AUTS2: variants seen among roughly 807,000 people sequenced by gnomAD.
AUTS2 encodes autism susceptibility gene 2 protein.
A neutral mutation model predicts 112.4 loss-of-function variants in AUTS2; 17 were observed. That is an observed-to-expected ratio of 0.15 (90% CI 0.10 to 0.23). The LOEUF (loss-of-function observed/expected upper bound fraction) is 0.23, where lower values mean the gene tolerates loss of function less well. AUTS2 is among the 10% of genes least tolerant of loss of function. The pLI, the probability that AUTS2 is intolerant of heterozygous loss-of-function variation, is 1.00. For synonymous variants in AUTS2, 751 were observed against 702.7 expected, an observed-to-expected ratio of 1.07 and a Z score of -1.09; for missense variants, 1,510 against 1,701.6, an observed-to-expected ratio of 0.89 and a Z score of 1.98.
At chr7:70,729,149 C>G (rs1449818351) in intron 6 of AUTS2, 4 of 456,484 alleles carry the variant, frequency 8.8e-6, no homozygotes, top group Non-Finnish European at 1.8e-5. Context: ...CTCTTTTTCT[C>G]CTGGTGCTTT....
At chr7:70,190,956 T>C (rs778531274) in intron 4 of AUTS2, among the ~76,000 whole-genome samples, 10 of 152,154 alleles carry the variant, frequency 6.6e-5, no homozygotes, top group African/African-American at 1.7e-4. Context: ...ATTTTAACAG[T>C]ATCTTACTGT....
chr7:69,966,776 C>T (rs188228801), intron 2 of AUTS2, among the ~76,000 whole-genome samples: 8 of 152,070 alleles, frequency 5.3e-5, no homozygotes, highest in Non-Finnish European at 1.2e-4. Flanking sequence ...TCTTTCATCT[C>T]GTAAACTGAG....
At chr7:70,453,020 C>G (rs1239405917) in intron 5 of AUTS2, among the ~76,000 whole-genome samples, 1 of 152,182 alleles carries the variant, frequency 6.6e-6, no homozygotes, top group Non-Finnish European at 1.5e-5. Flanking sequence ...TTCCCCACCT[C>G]CCTATCCTGT....
At chr7:70,542,955 A>G (rs1260226745) in intron 5 of AUTS2, among the ~76,000 whole-genome samples, 5 of 152,226 alleles carry the variant, frequency 3.3e-5, no homozygotes, top group African/African-American at 1.2e-4. Flanking sequence ...TTCAGTTCCA[A>G]GCACTAAGGG....
At chr7:70,252,590 A>T (rs1225227013) in intron 4 of AUTS2, among the ~76,000 whole-genome samples, 1 of 152,144 alleles carries the variant, frequency 6.6e-6, no homozygotes, top group Non-Finnish European at 1.5e-5. Flanking sequence ...TGCCATGAAG[A>T]AGATTTTTAG....
At chr7:70,110,972 G>C (rs1805055077) in intron 2 of AUTS2, among the ~76,000 whole-genome samples, 1 of 149,542 alleles carries the variant, frequency 6.7e-6, no homozygotes, top group South Asian at 2.1e-4. Context: ...CCCGGGTTCA[G>C]GCCATTCTCC....
chr7:69,820,585 C>T (rs1029435041), intron 1 of AUTS2, among the ~76,000 whole-genome samples: 1 of 152,158 alleles, frequency 6.6e-6, no homozygotes, highest in Non-Finnish European at 1.5e-5. Context: ...TAGGGCACAG[C>T]GAAGGAGAGA....
chr7:70,113,387 A>G (rs1805187380), intron 2 of AUTS2, among the ~76,000 whole-genome samples: 1 of 152,166 alleles, frequency 6.6e-6, no homozygotes, highest in African/African-American at 2.4e-5. Flanking sequence ...AATCCATGAT[A>G]CTTTCCCAAT....
intron 4 of AUTS2, among the ~76,000 whole-genome samples, chr7:70,374,848 G>T (rs549486028): frequency 6.6e-6 from 1 of 152,088 alleles, no homozygotes; most frequent in Non-Finnish European, 1.5e-5. Context: ...TTGGACATGT[G>T]CGTGCACACA....
chr7:69,858,385 C>T (rs1452534181), intron 1 of AUTS2, among the ~76,000 whole-genome samples: 7 of 152,102 alleles, frequency 4.6e-5, no homozygotes. Context: ...TTTTAATTTG[C>T]AAGCTAAATA....
chr7:70,034,070 A>G (rs1415763621), intron 2 of AUTS2, among the ~76,000 whole-genome samples: 1 of 152,228 alleles, frequency 6.6e-6, no homozygotes, highest in Non-Finnish European at 1.5e-5. Flanking sequence ...ATCATGCCAT[A>G]GCCCATAAAT....
chr7:69,989,323 C>A (rs1300930070), intron 2 of AUTS2, among the ~76,000 whole-genome samples: 5 of 152,106 alleles, frequency 3.3e-5, no homozygotes, highest in Admixed American at 2.0e-4. Flanking sequence ...AAAATGCTGG[C>A]ACTTCAAGGG....
intron 6 of AUTS2, among the ~76,000 whole-genome samples, chr7:70,716,027 G>C (rs893043354): frequency 6.6e-6 from 1 of 152,194 alleles, no homozygotes; most frequent in African/African-American, 2.4e-5. Context: ...AAGAAAGTAG[G>C]CAAAAACCTG....
In AUTS2 at chr7:70,396,831, G is replaced by A. The variant is rs78024316; in HGVS notation, c.661-38921G>A. ...TGGTTATTACAAATAAAGCTGCTGTGAACATTCACATACAAGTCTTTGTAT... is the reference window on the plus strand; with the variant it reads ...TGGTTATTACAAATAAAGCTGCTGTAAACATTCACATACAAGTCTTTGTAT... On this transcript the variant is annotated intron_variant, in intron 4 of 18. Transcript: ENST00000342771. Among the ~76,000 whole-genome samples, 404 of 152,312 alleles carry A rather than the reference G, an allele frequency of 2.7e-3. 16 individuals carry two copies. The East Asian group carries it at 0.068, about 25-fold the overall frequency.
At chr7:69,706,805 A>G (rs1483133152) in intron 1 of AUTS2, among the ~76,000 whole-genome samples, 1 of 152,158 alleles carries the variant, frequency 6.6e-6, no homozygotes, top group African/African-American at 2.4e-5. Context: ...CTGTCCTTTA[A>G]CTAGGAAATC....
chr7:70,630,917 G>A (rs900318250), intron 5 of AUTS2, among the ~76,000 whole-genome samples: 7 of 152,242 alleles, frequency 4.6e-5, no homozygotes, highest in Admixed American at 2.0e-4. Context: ...ATTGTCTATC[G>A]GGACTTAATG....
Position 69,659,951 on chromosome 7 carries a change from T to C in AUTS2, c.309+59989T>C, listed in dbSNP as rs574860215. ...CTTAGTTGTTAACCCTTTTGATCAA[T>C]ATCTAGTTGATTTTGCTACTTAATA... On this transcript the variant is annotated intron_variant, in intron 1 of 18. Transcript: ENST00000342771. Among the ~76,000 whole-genome samples, 12 of 152,286 alleles carry C rather than the reference T, an allele frequency of 7.9e-5. No homozygotes were observed. The Middle Eastern group carries it at 0.014, about 173-fold the overall frequency.
rs117749604 is a variant in AUTS2, at chr7:70,362,350, T to C, written c.661-73402T>C. On this transcript the variant is annotated intron_variant, in intron 4 of 18. Transcript: ENST00000342771. ...CCACTTTGTTTCTCACTTCACTCCC[T>C]TTCCAGACTGTTCTTCCCTGTCAGG... 7.0e-3 allele frequency among the ~76,000 whole-genome samples: 1,069 copies of C among 152,096 alleles called. 9 individuals are homozygous for C. The highest frequency in any genetic ancestry group is 8.2e-3 in the Non-Finnish European group (555 of 67,986).
At chr7:70,152,869 G>C (rs1030375232) in intron 4 of AUTS2, among the ~76,000 whole-genome samples, 4 of 152,178 alleles carry the variant, frequency 2.6e-5, no homozygotes, top group African/African-American at 9.7e-5. Context: ...TACAGCAAGT[G>C]TTGGTGAGGA....
Sources: allele counts gnomAD v4.1 joint callset (sites outside exome capture counted in the v4.1 genomes callset), GRCh38; gene constraint gnomAD v4.1.1; transcripts MANE v1.5; gene names NCBI Gene and HGNC (gene_info 2026-07-23, HGNC 2026-07-21).